The following CSMD1 variants were observed in gnomAD, a reference collection of about 807,000 sequenced individuals.
CSMD1 encodes the protein CUB and sushi domain-containing protein 1.
Under a neutral mutation model 417.5 loss-of-function variants are expected in CSMD1, and 213 were observed. The observed-to-expected ratio is 0.51, with a 90% CI of 0.46 to 0.57. The LOEUF is 0.57. Ranked by LOEUF, CSMD1 falls within the 20% of genes least tolerant of loss-of-function variation. CSMD1 has a pLI of 0.00. For synonymous variants in CSMD1, 2,862 were observed against 1,736.8 expected (o/e 1.65, Z -16.11); for missense variants, 6,923 against 4,529.7 (o/e 1.53, Z -15.17).
intron 8 of CSMD1, among the ~76,000 whole-genome samples, chr8:3,590,796 G>A (rs1198247600): frequency 6.6e-6 from 1 of 152,056 alleles, no homozygotes; most frequent in African/African-American, 2.4e-5. Flanking sequence ...TCAAGTTGAG[G>A]CAGAAACTAA....
chr8:4,795,573 GC>G (rs1797934722), intron 1 of CSMD1, among the ~76,000 whole-genome samples: 1 of 151,942 alleles, frequency 6.6e-6, no homozygotes, highest in African/African-American at 2.4e-5. Context: ...GCTTTCTTAA[GC>G]TTTTTTTCAA....
intron 1 of CSMD1, among the ~76,000 whole-genome samples, chr8:4,838,537 G>A (rs1800638861): frequency 6.6e-6 from 1 of 152,154 alleles, no homozygotes. Flanking sequence ...CATTTACTCC[G>A]CTTTTACCTG....
Position 3,543,521 on chromosome 8 carries a change from G to T in CSMD1, c.1344+31424C>A, listed in dbSNP as rs558601663. Among the ~76,000 whole-genome samples the T allele has an allele frequency of 3.9e-5, 6 of 152,206 alleles. No individual in the cohort carries two copies. In the East Asian group the frequency reaches 1.2e-3, roughly 30 times the overall value. On this transcript the variant is annotated intron_variant, in intron 10 of 69. Coordinates refer to ENST00000635120, the MANE Select transcript of CSMD1 (RefSeq NM_033225.6). ...AATTAACTGTGGAAATGGGAGGATG[G>T]CTGGATCCCCAACATGATGGAAAAT...
At position 3,729,658 on chromosome 8, in the gene CSMD1, G is replaced by C. The variant is rs73187232; in HGVS notation, c.932-21167C>G. ...ACTCAACTTAGAGGAAGCGATGGGG[G>C]CTACCAGCGAAGTGTTTAAAGATGA... On this transcript the variant is annotated intron_variant, in intron 6 of 69. Transcript: ENST00000635120. Among the ~76,000 whole-genome samples the C allele has an allele frequency of 2.0e-5, 3 of 151,228 alleles. No homozygotes were observed. In the East Asian group the frequency reaches 5.9e-4, roughly 30 times the overall value.
intron 1 of CSMD1, among the ~76,000 whole-genome samples, chr8:4,791,145 C>T (rs1358016225): frequency 3.3e-5 from 5 of 151,968 alleles, no homozygotes; most frequent in Non-Finnish European, 7.4e-5. Context: ...TTAAGTGAGA[C>T]AAGAAACAAA....
At chr8:3,452,009 T>A (rs1385520198) in intron 12 of CSMD1, among the ~76,000 whole-genome samples, 1 of 152,198 alleles carries the variant, frequency 6.6e-6, no homozygotes, top group East Asian at 1.9e-4. Flanking sequence ...TGGTTTGTAG[T>A]TCTCCTCGAA....
chr8:4,289,286 A>C (rs1368320205), intron 3 of CSMD1, among the ~76,000 whole-genome samples: 1 of 152,224 alleles, frequency 6.6e-6, no homozygotes, highest in African/African-American at 2.4e-5. Context: ...ATTTGCCTAC[A>C]TAATTTCACC....
intron 3 of CSMD1, among the ~76,000 whole-genome samples, chr8:4,046,128 GATAT>G (rs1288176844): frequency 5.3e-5 from 8 of 151,772 alleles, no homozygotes; most frequent in African/African-American, 1.7e-4. Context: ...ATATATATCT[GATAT>G]ATATGTATTA....
intron 3 of CSMD1, among the ~76,000 whole-genome samples, chr8:4,338,851 AAAG>A (rs887766198): frequency 3.3e-5 from 5 of 152,094 alleles, no homozygotes; most frequent in African/African-American, 7.2e-5. Context: ...TTACTTTTTG[AAAG>A]AAGAAATTAT....
At chr8:3,910,188 T>C (rs376258737) in intron 5 of CSMD1, among the ~76,000 whole-genome samples, 1 of 152,290 alleles carries the variant, frequency 6.6e-6, no homozygotes, top group Middle Eastern at 3.4e-3. Context: ...CAAGGAATTT[T>C]ATAATGCACG....
At chr8:4,602,449 C>T (rs1800641733) in intron 2 of CSMD1, among the ~76,000 whole-genome samples, 1 of 152,160 alleles carries the variant, frequency 6.6e-6, no homozygotes, top group Non-Finnish European at 1.5e-5. Flanking sequence ...ATAAGGAGGA[C>T]AGCTGAAACC....
rs371647519 is a variant in CSMD1, at chr8:4,855,342, C to T, written c.85+138990G>A. On this transcript the variant is annotated intron_variant, in intron 1 of 69. Coordinates refer to ENST00000635120, the MANE Select transcript of CSMD1 (RefSeq NM_033225.6). ...AACAGAACAGAAAAACTGGAAACTC[C>T]AAAAAGCAGAGCGCCTCTCCTCCTC... 1.4e-4 allele frequency among the ~76,000 whole-genome samples: 22 copies of T among 152,136 alleles called. No homozygotes were observed. In the East Asian group the frequency reaches 3.9e-3, roughly 27 times the overall value.
At chr8:3,686,704 C>T (rs1382904038) in intron 7 of CSMD1, among the ~76,000 whole-genome samples, 7 of 152,234 alleles carry the variant, frequency 4.6e-5, no homozygotes, top group African/African-American at 1.4e-4. Context: ...CCCTTACCCT[C>T]GCCCAAGTCC....
intron 49 of CSMD1, among the ~76,000 whole-genome samples, chr8:3,079,970 T>C (rs1265953527): frequency 6.6e-6 from 1 of 152,226 alleles, no homozygotes; most frequent in Non-Finnish European, 1.5e-5. Flanking sequence ...TAGGCAGCTA[T>C]CTCTATCTAA....
In CSMD1 at chr8:3,478,428, C is replaced by T. The variant is rs145413790; in HGVS notation, c.1449-9604G>A. ...CTGCCAGTCCTCATGACATGCAGAT[C>T]CTTTTTTCCTTCCCCCTCTGTGTAA... On this transcript the variant is annotated intron_variant, in intron 11 of 69. Coordinates refer to ENST00000635120, the MANE Select transcript of CSMD1 (RefSeq NM_033225.6). Among the ~76,000 whole-genome samples, 250 of 152,314 alleles carry T rather than the reference C, an allele frequency of 1.6e-3. 2 individuals carry two copies. Among genetic ancestry groups the T allele is most frequent in the Admixed American group, 4.2e-3 (64 of 15,304 alleles).
At chr8:3,488,329 A>G (rs1352598722) in intron 11 of CSMD1, among the ~76,000 whole-genome samples, 1 of 152,034 alleles carries the variant, frequency 6.6e-6, no homozygotes, top group Non-Finnish European at 1.5e-5. Flanking sequence ...GTTGGTCTCA[A>G]ACTTTTGGCC....
intron 7 of CSMD1, among the ~76,000 whole-genome samples, chr8:3,693,919 G>C (rs867800922): frequency 6.6e-6 from 1 of 151,576 alleles, no homozygotes; most frequent in South Asian, 2.1e-4. Context: ...GTGTGTGTGT[G>C]TGTTTGTTAT....
chr8:3,961,199 A>T (rs1393445608), intron 5 of CSMD1, among the ~76,000 whole-genome samples: 1 of 152,166 alleles, frequency 6.6e-6, no homozygotes. Context: ...CATGAAAGTC[A>T]TTGTCTCAAT....
At chr8:4,426,755 G>C (rs1021850016) in intron 2 of CSMD1, among the ~76,000 whole-genome samples, 2 of 146,512 alleles carry the variant, frequency 1.4e-5, no homozygotes, top group African/African-American at 5.0e-5. Context: ...TAGTAATATA[G>C]TAATATTTTA....
Sources: gnomAD v4.1 joint callset for allele counts (sites outside exome capture counted in the v4.1 genomes callset) on GRCh38, gnomAD v4.1.1 for gene constraint, MANE v1.5 for transcripts, NCBI Gene and HGNC (gene_info 2026-07-23, HGNC 2026-07-21) for gene names.